Variants in CHRNA7 observed in about 807,000 individuals in gnomAD.
The protein encoded by CHRNA7 is neuronal acetylcholine receptor subunit alpha-7.
A neutral mutation model predicts 48.0 loss-of-function variants in CHRNA7; 17 were observed. The ratio of observed to expected loss-of-function variants is 0.35; its 90% CI spans 0.24 to 0.53. CHRNA7 has a LOEUF of 0.53. Ranked by LOEUF, CHRNA7 falls within the 20% of genes least tolerant of loss-of-function variation. CHRNA7 has a pLI of 0.92. For synonymous variants in CHRNA7, 75 were observed against 242.3 expected (o/e 0.31, Z 6.41); for missense variants, 155 against 577.7 (o/e 0.27, Z 7.50).
chr15:32,151,206 A>C (rs546888825), intron 4 of CHRNA7, among the ~76,000 whole-genome samples: 6 of 152,206 alleles, frequency 3.9e-5, no homozygotes, highest in Non-Finnish European at 5.9e-5. Flanking sequence ...TTTTCAGCTC[A>C]TTATATCTCC....
chr15:32,090,614 T>A (rs576183243), intron 2 of CHRNA7, among the ~76,000 whole-genome samples: 1 of 152,090 alleles, frequency 6.6e-6, no homozygotes, highest in East Asian at 1.9e-4. Flanking sequence ...GCAGCAGCAG[T>A]CCCTCCTGAG....
intron 3 of CHRNA7, among the ~76,000 whole-genome samples, chr15:32,106,685 A>G (rs139060500): frequency 0.012 from 1,785 of 152,348 alleles, 25 homozygotes; most frequent in African/African-American, 0.041. Flanking sequence ...CATTTGAACC[A>G]TCCAGAGACT....
At chr15:32,060,308 CT>C (rs2049858166) in intron 2 of CHRNA7, among the ~76,000 whole-genome samples, 1 of 152,154 alleles carries the variant, frequency 6.6e-6, no homozygotes, top group Non-Finnish European at 1.5e-5. Flanking sequence ...TCTATATCAT[CT>C]ATTTATATGT....
intron 2 of CHRNA7, among the ~76,000 whole-genome samples, chr15:32,081,688 C>T (rs2050217843): frequency 6.6e-6 from 1 of 152,116 alleles, no homozygotes; most frequent in South Asian, 2.1e-4. Flanking sequence ...CTATTTTCTC[C>T]ACATACATTA....
At chr15:32,166,624 G>A (rs1475147779) in intron 9 of CHRNA7, 1 of 151,008 alleles carries the variant, frequency 6.6e-6, no homozygotes, top group Non-Finnish European at 1.5e-5. Flanking sequence ...AAATAAACCT[G>A]TTAGGTTACT....
chr15:32,097,508 G>A (rs1217185702), intron 2 of CHRNA7, among the ~76,000 whole-genome samples: 1 of 152,160 alleles, frequency 6.6e-6, no homozygotes, highest in Non-Finnish European at 1.5e-5. Context: ...CGGGAAGCCA[G>A]CCCCCACCAG....
At chr15:32,143,529 C>T (rs1027961252) in intron 4 of CHRNA7, among the ~76,000 whole-genome samples, 1 of 152,096 alleles carries the variant, frequency 6.6e-6, no homozygotes, top group African/African-American at 2.4e-5. Flanking sequence ...TTAAAGTCTC[C>T]CATTATTATT....
At chr15:32,093,927 C>T (rs1235699564) in intron 2 of CHRNA7, among the ~76,000 whole-genome samples, 1 of 152,278 alleles carries the variant, frequency 6.6e-6, no homozygotes, top group South Asian at 2.1e-4. Context: ...TCAAAGAGTT[C>T]AGAATCACTC....
intron 2 of CHRNA7, among the ~76,000 whole-genome samples, chr15:32,054,120 GCTAA>G (rs1302423802): frequency 5.3e-5 from 8 of 152,166 alleles, no homozygotes; most frequent in African/African-American, 9.7e-5. Flanking sequence ...CACGTGTTAG[GCTAA>G]CTCTTTAGTT....
intron 3 of CHRNA7, among the ~76,000 whole-genome samples, chr15:32,107,930 G>C (rs1255295055): frequency 1.3e-5 from 2 of 152,230 alleles, no homozygotes; most frequent in Admixed American, 1.3e-4. Context: ...GGCTCTGTAT[G>C]AATCACAAAA....
chr15:32,144,877 G>A (rs1337067751), intron 4 of CHRNA7, among the ~76,000 whole-genome samples: 1 of 152,072 alleles, frequency 6.6e-6, no homozygotes, highest in Non-Finnish European at 1.5e-5. Context: ...CCTTTAGCTT[G>A]GAGAAGTTTC....
At chr15:32,032,366 G>A (rs1055689499) in intron 2 of CHRNA7, among the ~76,000 whole-genome samples, 1 of 152,060 alleles carries the variant, frequency 6.6e-6, no homozygotes, top group African/African-American at 2.4e-5. Context: ...ATCTTCGGTG[G>A]GTTCTGTCTG....
In CHRNA7 at chr15:32,030,529, A is replaced by T; in HGVS notation, c.-66A>T. 7.4e-7 allele frequency: 1 copy of T among 1,348,606 alleles called. No homozygotes were observed. Among genetic ancestry groups the T allele is most frequent in the Non-Finnish European group, 9.5e-7 (1 of 1,055,120 alleles). The allele number at this position is 1,348,606 out of a possible 1,614,324, so 83.5% of individuals were successfully genotyped here. A position where few individuals can be genotyped will look rare whatever the true frequency, so the allele number is the denominator to read the frequency against. The stretch of plus-strand genomic sequence containing the variant: ...AGCGGCGAGGTGCCTCTGTGGCCGC[A>T]GGCGCAGGCCCGGGCGACAGCCGAG... On this transcript the variant is annotated 5_prime_UTR_variant, in exon 1 of 10. Transcript: ENST00000306901.
chr15:32,131,316 T>C (rs1274531790), intron 4 of CHRNA7, among the ~76,000 whole-genome samples: 2 of 152,144 alleles, frequency 1.3e-5, no homozygotes, highest in East Asian at 3.9e-4. Context: ...GACACAAATA[T>C]CAGATTTTGT....
At chr15:32,054,049 C>A (rs1288329833) in intron 2 of CHRNA7, among the ~76,000 whole-genome samples, 1 of 152,196 alleles carries the variant, frequency 6.6e-6, no homozygotes, top group African/African-American at 2.4e-5. Context: ...GGTGTCTATA[C>A]TCTGGGGAGA....
intron 4 of CHRNA7, chr15:32,112,312 G>A (rs765272924): frequency 8.7e-5 from 40 of 459,146 alleles, no homozygotes; most frequent in African/African-American, 6.4e-4. Context: ...CCACATCCTC[G>A]TCTATGTTCC....
intron 4 of CHRNA7, among the ~76,000 whole-genome samples, chr15:32,148,122 A>G (rs1449041685): frequency 6.6e-6 from 1 of 152,200 alleles, no homozygotes; most frequent in Non-Finnish European, 1.5e-5. Context: ...ATTTCACATG[A>G]GACCTTACTA....
chr15:32,116,576 A>G (rs2050875685), intron 4 of CHRNA7, among the ~76,000 whole-genome samples: 1 of 152,188 alleles, frequency 6.6e-6, no homozygotes, highest in African/African-American at 2.4e-5. Context: ...GTGGGTAGCA[A>G]TTATGGATGG....
At chr15:32,081,606 A>G (rs1254715737) in intron 2 of CHRNA7, among the ~76,000 whole-genome samples, 2 of 152,080 alleles carry the variant, frequency 1.3e-5, no homozygotes, top group African/African-American at 2.4e-5. Flanking sequence ...CCTGTCTACT[A>G]ATGTTATTTT....
Sources: allele counts gnomAD v4.1 joint callset (sites outside exome capture counted in the v4.1 genomes callset), GRCh38; gene constraint gnomAD v4.1.1; transcripts MANE v1.5; gene names NCBI Gene and HGNC (gene_info 2026-07-23, HGNC 2026-07-21).